Variants in HDAC9 observed in about 807,000 individuals in gnomAD.
HDAC9 encodes MEF-2 interacting transcription repressor (MITR) protein.
HDAC9 carries 41 observed loss-of-function variants against 139.4 expected under a neutral mutation model. That is an observed-to-expected ratio of 0.29 (90% confidence interval 0.23 to 0.38). HDAC9 has a LOEUF of 0.38. HDAC9 is among the 10% of genes least tolerant of loss of function. The probability of loss-of-function intolerance (pLI) is 1.00; values close to 1 mark genes in which losing one functional copy is unlikely to be tolerated. For missense variants in HDAC9, 1,147 were observed against 1,297.0 expected, an observed-to-expected ratio of 0.88 and a Z score of 1.78; for synonymous variants, 517 against 476.2, an observed-to-expected ratio of 1.09 and a Z score of -1.12.
intron 12 of HDAC9, among the ~76,000 whole-genome samples, chr7:18,675,182 G>C (rs1039089835): frequency 6.6e-6 from 1 of 151,994 alleles, no homozygotes; most frequent in East Asian, 1.9e-4. Flanking sequence ...TTGATGTGTT[G>C]TTTTGACTAG....
At chr7:18,096,141 A>G (rs1036750164) in intron 1 of HDAC9, among the ~76,000 whole-genome samples, 1 of 152,222 alleles carries the variant, frequency 6.6e-6, no homozygotes, top group Non-Finnish European at 1.5e-5. Flanking sequence ...TGTAAGCTGT[A>G]TTCCAAGATT....
Position 19,000,784 on chromosome 7 carries a change from ACTCTT to A in HDAC9, c.*4728_*4732del, listed in dbSNP as rs1563124683. On this transcript the variant is annotated 3_prime_UTR_variant, in exon 26 of 26. Coordinates refer to ENST00000686413, the MANE Select transcript of HDAC9 (RefSeq NM_178425.4). ...CAATCTAACAAATAATTTTCTTTCA[ACTCTT>A]CTCTTTTTCTGCCTAACAATCTATA... 6.6e-6 allele frequency: 1 copy of A among 152,080 alleles called. No individual in the cohort carries two copies. Among genetic ancestry groups the A allele is most frequent in the African/African-American group, 2.4e-5 (1 of 41,392 alleles). The allele number at this position is 152,080 out of a possible 1,614,324, so 9.4% of individuals were successfully genotyped here.
At chr7:18,584,140 CTTTTTTTTT>C (rs3084518) in intron 2 of HDAC9, among the ~76,000 whole-genome samples, 1 of 107,754 alleles carries the variant, frequency 9.3e-6, no homozygotes, top group Non-Finnish European at 1.8e-5. Flanking sequence ...AAGCAGCATT[CTTTTTTTTT>C]TTTTTTTTTT....
At chr7:18,768,275 G>A (rs1482772854) in intron 16 of HDAC9, among the ~76,000 whole-genome samples, 1 of 152,124 alleles carries the variant, frequency 6.6e-6, no homozygotes, top group Non-Finnish European at 1.5e-5. Context: ...AAAGTATGGG[G>A]GTGATGTACA....
chr7:18,297,641 A>G (rs1798242046), intron 1 of HDAC9, among the ~76,000 whole-genome samples: 1 of 152,206 alleles, frequency 6.6e-6, no homozygotes, highest in Non-Finnish European at 1.5e-5. Flanking sequence ...ATAGGATGTT[A>G]TGGTTTGGCT....
At chr7:18,526,964 C>T (rs1425555922) in intron 2 of HDAC9, among the ~76,000 whole-genome samples, 2 of 152,064 alleles carry the variant, frequency 1.3e-5, no homozygotes, top group African/African-American at 2.4e-5. Flanking sequence ...TAGCAGTCTA[C>T]ATTCTAGAGA....
intron 11 of HDAC9, among the ~76,000 whole-genome samples, chr7:18,660,082 C>G (rs1792647957): frequency 6.6e-6 from 1 of 152,210 alleles, no homozygotes; most frequent in African/African-American, 2.4e-5. Flanking sequence ...AGTAAATAGT[C>G]GGAAATTTAC....
At chr7:18,201,502 T>C (rs1169541235) in intron 2 of HDAC9, among the ~76,000 whole-genome samples, 5 of 152,184 alleles carry the variant, frequency 3.3e-5, no homozygotes, top group African/African-American at 9.7e-5. Flanking sequence ...CATAGAGAAG[T>C]GTGCAACTGC....
intron 21 of HDAC9, among the ~76,000 whole-genome samples, chr7:18,872,535 A>AAAAAT (rs943271144): frequency 6.6e-6 from 1 of 152,154 alleles, no homozygotes; most frequent in Admixed American, 6.6e-5. Context: ...GCAAGATTGG[A>AAAAAT]AAAATAAGCT....
intron 2 of HDAC9, among the ~76,000 whole-genome samples, chr7:18,252,983 CCACTTA>C (rs1243126526): frequency 6.6e-6 from 1 of 152,164 alleles, no homozygotes; most frequent in African/African-American, 2.4e-5. Context: ...CATTTAGCTC[CCACTTA>C]CAAGTGAGAA....
intron 6 of HDAC9, among the ~76,000 whole-genome samples, chr7:18,625,505 T>A (rs1841440171): frequency 6.6e-6 from 1 of 152,210 alleles, no homozygotes; most frequent in Admixed American, 6.5e-5. Context: ...CCATACCAGA[T>A]GCCTGTAGCA....
intron 2 of HDAC9, among the ~76,000 whole-genome samples, chr7:18,522,612 A>G (rs1489394718): frequency 1.3e-5 from 2 of 151,844 alleles, no homozygotes; most frequent in African/African-American, 4.8e-5. Flanking sequence ...ACAAAAAACA[A>G]AAAACAAAAA....
At chr7:18,697,599 G>A (rs540292322) in intron 12 of HDAC9, among the ~76,000 whole-genome samples, 3 of 152,210 alleles carry the variant, frequency 2.0e-5, no homozygotes, top group East Asian at 3.9e-4. Context: ...TACCACCTAT[G>A]TTAAGACTGT....
At chr7:18,786,627 C>CCTTCAT (rs1791806929) in intron 16 of HDAC9, among the ~76,000 whole-genome samples, 1 of 66,692 alleles carries the variant, frequency 1.5e-5, no homozygotes, top group African/African-American at 7.5e-5. Context: ...CCCTCCCTCC[C>CCTTCAT]TCCTTCCTTC....
At chr7:18,161,491 G>A (rs1787624538) in intron 1 of HDAC9, among the ~76,000 whole-genome samples, 1 of 152,130 alleles carries the variant, frequency 6.6e-6, no homozygotes, top group Admixed American at 6.6e-5. Flanking sequence ...TTTAAAAGCT[G>A]CTGCTTTTTT....
intron 17 of HDAC9, among the ~76,000 whole-genome samples, chr7:18,802,072 TG>T (rs35673681): frequency 6.6e-6 from 1 of 151,732 alleles, no homozygotes; most frequent in Non-Finnish European, 1.5e-5. Context: ...TTATTTTATT[TG>T]GGGGGAGGTC....
intron 21 of HDAC9, among the ~76,000 whole-genome samples, chr7:18,854,789 T>G (rs913001537): frequency 6.6e-6 from 1 of 152,114 alleles, no homozygotes; most frequent in South Asian, 2.1e-4. Flanking sequence ...ACAAAAATAG[T>G]AAATGCCATT....
In HDAC9 at chr7:18,665,049, A is replaced by G. The variant is rs531772463; in HGVS notation, c.1468-1164A>G. On this transcript the variant is annotated intron_variant, in intron 11 of 25. Coordinates refer to ENST00000686413, the MANE Select transcript of HDAC9 (RefSeq NM_178425.4). ...GGTTGCGTGGACTGCAGGAAAGTCT[A>G]TAAGCCTAAAGAGGCTGAGGTGTCC... 1.6e-4 allele frequency among the ~76,000 whole-genome samples: 24 copies of G among 152,316 alleles called. No homozygotes were observed. The South Asian group carries it at 1.9e-3, about 12-fold the overall frequency.
intron 23 of HDAC9, chr7:18,949,054 A>G: frequency 2.5e-6 from 1 of 394,576 alleles, no homozygotes; most frequent in Non-Finnish European, 4.9e-6. Flanking sequence ...TGTTTTCTAC[A>G]GAACTAGGTC....
Sources: gnomAD v4.1 joint callset for allele counts (sites outside exome capture counted in the v4.1 genomes callset) on GRCh38, gnomAD v4.1.1 for gene constraint, MANE v1.5 for transcripts, NCBI Gene and HGNC (gene_info 2026-07-23, HGNC 2026-07-21) for gene names.